Variants in ADCY7 observed in about 807,000 individuals in gnomAD.
The protein encoded by ADCY7 is adenylate cyclase type 7.
Under a neutral mutation model 120.6 loss-of-function variants are expected in ADCY7, and 72 were observed. The observed-to-expected ratio is 0.60, with a 90% CI of 0.49 to 0.73. The LOEUF (loss-of-function observed/expected upper bound fraction) is 0.73, where lower values mean the gene tolerates loss of function less well. Among genes scored for constraint, ADCY7 ranks in the 30% least tolerant of loss-of-function variants. The pLI is 0.00. For missense variants in ADCY7, 1,227 were observed against 1,486.0 expected (o/e 0.83, Z 2.87); for synonymous variants, 661 against 628.0 (o/e 1.05, Z -0.78).
chr16:50,267,422 G>T (rs970416258), intron 1 of ADCY7, among the ~76,000 whole-genome samples: 1 of 152,252 alleles, frequency 6.6e-6, no homozygotes, highest in Non-Finnish European at 1.5e-5. Flanking sequence ...GAGAGGAGAA[G>T]GGAGGGCCGG....
intron 1 of ADCY7, among the ~76,000 whole-genome samples, chr16:50,257,088 A>G (rs79615918): frequency 0.014 from 2,091 of 152,282 alleles, 48 homozygotes; most frequent in African/African-American, 0.047. Context: ...TGTGGAATCC[A>G]AGAAATCTAG....
At chr16:50,311,124 G>A (rs931077621) in intron 19 of ADCY7, among the ~76,000 whole-genome samples, 7 of 152,176 alleles carry the variant, frequency 4.6e-5, no homozygotes, top group African/African-American at 1.7e-4. Flanking sequence ...GAGGGAAGGA[G>A]GCTGCAGCTC....
Position 50,291,763 on chromosome 16 carries a change from G to A in ADCY7, c.403G>A (p.Val135Met), listed in dbSNP as rs539263372. The A allele has an allele frequency of 6.4e-5, 103 of 1,614,152 alleles. No individual in the cohort carries two copies. The highest frequency in any genetic ancestry group is 8.0e-5 in the African/African-American group (6 of 75,058). ...QVPFFLFIVF[V>M]VYTLLPFSMR... The stretch of plus-strand genomic sequence containing the variant: ...GCCCTTCTTCCTGTTCATTGTCTTC[G>A]TGGTGTACACACTACTGCCCTTCAG... The change falls in exon 4 of 26, where the codon GTG becomes ATG. Residue 135 changes from valine (V) to methionine (M), a missense_variant. Val to Met is a conservative substitution (Grantham distance 21, BLOSUM62 1). Coordinates refer to ENST00000673801, the MANE Select transcript of ADCY7 (RefSeq NM_001114.5).
At chr16:50,294,773 G>A (rs777917867) in intron 7 of ADCY7, 22 bp downstream of exon 7, 8 of 1,575,344 alleles carry the variant, frequency 5.1e-6, no homozygotes, top group East Asian at 2.2e-5. Context: ...GGCCTACAAT[G>A]GGCAAAGCCA....
At position 50,292,805 on chromosome 16, in the gene ADCY7, C is replaced by A. The variant is rs766519192; in HGVS notation, c.667C>A (p.Arg223Ser). 2 of 1,613,622 alleles carry A rather than the reference C, an allele frequency of 1.2e-6. No homozygotes were observed. Among genetic ancestry groups the A allele is most frequent in the Admixed American group, 3.3e-5 (2 of 60,014 alleles). Residue 223 changes from arginine (R) to serine (S), a missense_variant, in exon 5 of 26, where the codon CGC (arginine) becomes AGC (serine). By Grantham distance (110) the Arg-to-Ser change is moderately radical. Coordinates refer to ENST00000673801, the MANE Select transcript of ADCY7 (RefSeq NM_001114.5). ...GTGCATCCAGATCCGCCGGAAGCTG[C>A]GCATCGAGAAGCGCCAGCAGGTGGG... ...VKCIQIRRKL[R>S]IEKRQQENLL... is the part of the protein sequence containing the mutation.
rs766694531 is a variant in ADCY7, at chr16:50,312,051, C to T, written c.2464C>T (p.Arg822Cys). 8 of 1,614,196 alleles carry T rather than the reference C, an allele frequency of 5.0e-6. No homozygotes were observed. Among genetic ancestry groups the T allele is most frequent in the Non-Finnish European group, 6.8e-6 (8 of 1,180,030 alleles). ...TLSRQIDYYC[R>C]LDCLWKKKFK... ...CCGTTTGCAGATTGACTATTACTGC[C>T]GCTTGGACTGCCTATGGAAGAAGAA... is the stretch of plus-strand genomic sequence containing the variant. The change falls in exon 21 of 26, where the codon CGC becomes TGC. Residue 822 changes from arginine (R) to cysteine (C), a missense_variant. By Grantham distance (180) the Arg-to-Cys change is radical. Coordinates refer to ENST00000673801, the MANE Select transcript of ADCY7 (RefSeq NM_001114.5).
At chr16:50,291,608 C>T (rs927415531) in intron 3 of ADCY7, 128 bp from the exon 4 acceptor site, 11 of 1,023,450 alleles carry the variant, frequency 1.1e-5, no homozygotes, top group South Asian at 4.3e-5. Context: ...TGTCTGCCCA[C>T]GCAGGGGGTG....
In ADCY7 at chr16:50,291,884, G is replaced by A. The variant is rs1196552682; in HGVS notation, c.524G>A (p.Arg175Gln). The change falls in exon 4 of 26, where the codon CGG (arginine) becomes CAG (glutamine). Residue 175 changes from arginine (R) to glutamine (Q), a missense_variant. By Grantham distance (43) the Arg-to-Gln change is conservative. This residue lies in a region of ADCY7 where 382 missense variants were observed against 411.4 expected (regional missense o/e 0.93). Coordinates refer to ENST00000673801, the MANE Select transcript of ADCY7 (RefSeq NM_001114.5). ...GGAGGCTTCACGACACCCAGTGTCC[G>A]GGTGGGGCTGCAGGTGAGGGATGGG... is the stretch of plus-strand genomic sequence containing the variant. The part of the protein sequence containing the change: ...LMGGFTTPSV[R>Q]VGLQLLANAV... 8.1e-6 allele frequency: 13 copies of A among 1,611,356 alleles called. No homozygotes were observed. The East Asian group carries it at 2.0e-4, about 25-fold the overall frequency.
In ADCY7 at chr16:50,291,841, G is replaced by T. The variant is rs1403919131; in HGVS notation, c.481G>T (p.Val161Leu). 1 of 1,613,916 alleles carries T rather than the reference G, an allele frequency of 6.2e-7. No homozygotes were observed. The highest frequency in any genetic ancestry group is 8.5e-7 in the Non-Finnish European group (1 of 1,179,942). Reference protein sequence around the residue: ...GAVSTASHLLVLGSLMGGFTT... With the variant: ...GAVSTASHLLLLGSLMGGFTT... ...CGTCTCCACTGCCTCCCACCTCCTG[G>T]TGCTCGGTTCTTTGATGGGAGGCTT... The change falls in exon 4 of 26, where the codon GTG (valine) becomes TTG (leucine). Residue 161 changes from valine (V) to leucine (L), a missense_variant. Transcript: ENST00000673801.
intron 1 of ADCY7, among the ~76,000 whole-genome samples, chr16:50,253,651 C>A (rs542367395): frequency 6.6e-6 from 1 of 152,186 alleles, no homozygotes; most frequent in African/African-American, 2.4e-5. Context: ...GGGCACTGAG[C>A]GCTTTCCACT....
chr16:50,291,719 C>A lies in ADCY7; in HGVS notation c.376-17C>A. 1 of 1,613,874 alleles carries A rather than the reference C, an allele frequency of 6.2e-7. No individual in the cohort carries two copies. Among genetic ancestry groups the A allele is most frequent in the Non-Finnish European group, 8.5e-7 (1 of 1,179,950 alleles). On this transcript the variant is annotated splice_polypyrimidine_tract_variant and intron_variant, in intron 3 of 25. Transcript: ENST00000673801. ...GCAGCATCTTGGGGCACCGGGCTCA[C>A]CAGGCTGCATCCACAGGTGCCCTTC...
rs373480398 is a variant in ADCY7 at position 50,247,013 on chromosome 16, C to T, written c.-64+810C>T. ...GGATACCCTGTGTGGTCGGCTGAAG[C>T]CCCCTCGGGCCTGGTCCAGAGTGAT... is the stretch of plus-strand genomic sequence containing the variant. On this transcript the variant is annotated intron_variant, in intron 1 of 4. Coordinates refer to the ADCY7 transcript ENST00000564044. Among the ~76,000 whole-genome samples, 50 of 152,356 alleles carry T rather than the reference C, an allele frequency of 3.3e-4. No homozygotes were observed. The East Asian group carries it at 6.0e-3, about 18-fold the overall frequency.
At chr16:50,308,600 C>G (rs1304832498) in intron 16 of ADCY7, 67 bp from the exon 17 acceptor site, 7 of 1,564,912 alleles carry the variant, frequency 4.5e-6, no homozygotes, top group Non-Finnish European at 6.1e-6. Context: ...CCTCCCCAGG[C>G]TGCCAGCGAC....
Position 50,297,337 on chromosome 16 carries a change from A to G in ADCY7, c.949-1567A>G, listed in dbSNP as rs900000297. Among the ~76,000 whole-genome samples the G allele has an allele frequency of 2.0e-5, 3 of 152,158 alleles. No homozygotes were observed. The highest frequency in any genetic ancestry group is 2.0e-4 in the Admixed American group (3 of 15,286). On this transcript the variant is annotated intron_variant, in intron 7 of 25. Transcript: ENST00000673801. This position sits in a 1 kb window ranked among gnomAD's most constrained non-coding sequence, Gnocchi z 4.4. ...ACTCCAAGTGTCAGAGACACAGGGG[A>G]CTGTCAGCCGGTGGAGCAGCCGGGG...
chr16:50,304,291 G>A, intron 10 of ADCY7, 69 bp from the exon 11 acceptor site: 1 of 1,336,408 alleles, frequency 7.5e-7, no homozygotes, highest in South Asian at 1.8e-5. Flanking sequence ...AGCTGGATGG[G>A]GATGGCGGCC....
intron 1 of ADCY7, among the ~76,000 whole-genome samples, chr16:50,246,369 C>G (rs1385932803): frequency 6.6e-6 from 1 of 152,016 alleles, no homozygotes; most frequent in African/African-American, 2.4e-5. Flanking sequence ...GCGGTGGCGG[C>G]TCCTGCCCGG....
chr16:50,274,406 C>T (rs1319966132), intron 1 of ADCY7, among the ~76,000 whole-genome samples: 2 of 116,930 alleles, frequency 1.7e-5, no homozygotes, highest in South Asian at 3.1e-4. Flanking sequence ...GGCGAGGGCT[C>T]TTCTGTGTGG....
upstream of ADCY7, chr16:50,246,112 G>T (rs1166008038): frequency 6.7e-6 from 1 of 149,978 alleles, no homozygotes. Context: ...GCCTGCGGCC[G>T]CTCCTCCTTC....
chr16:50,289,297 A>G (rs1465326205), intron 2 of ADCY7: 1 of 437,342 alleles, frequency 2.3e-6, no homozygotes, highest in African/African-American at 2.1e-5. Flanking sequence ...TGGCCTCCCA[A>G]AGTGTTGGGA....
Sources: gnomAD v4.1 joint callset for allele counts (sites outside exome capture counted in the v4.1 genomes callset) on GRCh38, gnomAD v4.1.1 for gene constraint, gnomAD v4.1.1 regional missense constraint, Gnocchi (gnomAD v3.1) non-coding constraint, MANE v1.5 for transcripts, NCBI Gene and HGNC (gene_info 2026-07-23, HGNC 2026-07-21) for gene names.